The following LRP1B variants were observed in gnomAD, a reference collection of about 807,000 sequenced individuals.
LRP1B encodes LDL receptor related protein 1B.
In LRP1B, 217 loss-of-function variants were observed where a neutral mutation model predicts 556.6. The ratio of observed to expected loss-of-function variants is 0.39; its 90% CI spans 0.35 to 0.44. The LOEUF is 0.44. Among genes scored for constraint, LRP1B ranks in the 20% least tolerant of loss-of-function variants. The probability of loss-of-function intolerance (pLI) is 1.00; values close to 1 mark genes in which losing one functional copy is unlikely to be tolerated. For synonymous variants in LRP1B, 2,047 were observed against 1,865.8 expected, an observed-to-expected ratio of 1.10 and a Z score of -2.50; for missense variants, 5,053 against 5,620.8, an observed-to-expected ratio of 0.90 and a Z score of 3.23.
chr2:140,657,668 T>C (rs1684940824), intron 41 of LRP1B, among the ~76,000 whole-genome samples: 2 of 147,334 alleles, frequency 1.4e-5, no homozygotes, highest in Non-Finnish European at 3.0e-5. Context: ...TATATATACA[T>C]ACATATATAT....
chr2:140,796,953 ATTATC>A (rs142665869), intron 32 of LRP1B, among the ~76,000 whole-genome samples: 7,653 of 152,002 alleles, frequency 0.05, 214 homozygotes, highest in Middle Eastern at 0.068. Flanking sequence ...CTTTATTTGT[ATTATC>A]TTAAGTAGGA....
At chr2:142,080,804 C>A (rs1010124064) in intron 1 of LRP1B, among the ~76,000 whole-genome samples, 1 of 152,152 alleles carries the variant, frequency 6.6e-6, no homozygotes, top group African/African-American at 2.4e-5. Context: ...CTGGATACTA[C>A]ACTTACCACA....
chr2:141,355,243 CA>C (rs1688584265), intron 3 of LRP1B, among the ~76,000 whole-genome samples: 1 of 151,978 alleles, frequency 6.6e-6, no homozygotes. Flanking sequence ...TTCATATCAG[CA>C]CATTATTTTC....
At chr2:141,250,121 A>G (rs573852393) in intron 4 of LRP1B, among the ~76,000 whole-genome samples, 1 of 152,204 alleles carries the variant, frequency 6.6e-6, no homozygotes, top group Non-Finnish European at 1.5e-5. Context: ...ATTAAAATAT[A>G]TCTTTGGCCT....
At chr2:140,531,866 C>T (rs1250142512) in intron 47 of LRP1B, among the ~76,000 whole-genome samples, 2 of 152,118 alleles carry the variant, frequency 1.3e-5, no homozygotes, top group African/African-American at 4.8e-5. Context: ...CTGAATGATC[C>T]TCCTTTCTTG....
chr2:141,058,621 A>G lies in LRP1B; in HGVS notation c.1408+262T>C, dbSNP rs992026212. Reference sequence around the variant, plus strand: ...GCATCTGGGTTTCCTGTCTACATTCATCACGACTGAAAGCCCCTTCCTGAA... The same window carrying G: ...GCATCTGGGTTTCCTGTCTACATTCGTCACGACTGAAAGCCCCTTCCTGAA... On this transcript the variant is annotated intron_variant, in intron 9 of 90. Coordinates refer to ENST00000389484, the MANE Select transcript of LRP1B (RefSeq NM_018557.3). Among the ~76,000 whole-genome samples, 31 of 151,894 alleles carry G rather than the reference A, an allele frequency of 2.0e-4. 1 individual carries two copies. The highest frequency in any genetic ancestry group is 6.6e-5 in the Admixed American group (1 of 15,228).
intron 85 of LRP1B, among the ~76,000 whole-genome samples, chr2:140,272,482 A>G (rs529102052): frequency 1.3e-5 from 2 of 152,082 alleles, no homozygotes; most frequent in East Asian, 3.9e-4. Context: ...TGTTTTAAAG[A>G]TTATACTCAC....
intron 61 of LRP1B, among the ~76,000 whole-genome samples, chr2:140,457,183 G>C (rs1687138695): frequency 6.6e-6 from 1 of 152,016 alleles, no homozygotes; most frequent in African/African-American, 2.4e-5. Context: ...ATTATTTCAA[G>C]AATACAGTCT....
chr2:140,358,911 A>C lies in LRP1B; in HGVS notation c.11167T>G (p.Cys3723Gly), dbSNP rs773335745. The stretch of plus-strand genomic sequence containing the variant: ...TGTAGGCATATTCTGTTATTTCTGC[A>C]TCTGTGAGGTCTCGTGGATGGACAA... Reference protein sequence around the residue: ...FLCPSTRPHRCRNNRICLQSE... With the variant: ...FLCPSTRPHRGRNNRICLQSE... Residue 3723 changes from cysteine to glycine, a missense_variant, in exon 73 of 91, where the codon TGC (cysteine) becomes GGC (glycine). Cys to Gly is a radical substitution (Grantham distance 159). This residue lies in a region of LRP1B where 599 missense variants were observed against 648.4 expected (regional missense o/e 0.92). Coordinates refer to ENST00000389484, the MANE Select transcript of LRP1B (RefSeq NM_018557.3). The C allele has an allele frequency of 6.2e-7, 1 of 1,608,712 alleles. No homozygotes were observed. Among genetic ancestry groups the C allele is most frequent in the Non-Finnish European group, 8.5e-7 (1 of 1,176,076 alleles).
At chr2:141,016,772 T>G (rs2105391350) in intron 12 of LRP1B, among the ~76,000 whole-genome samples, 1 of 152,162 alleles carries the variant, frequency 6.6e-6, no homozygotes, top group South Asian at 2.1e-4. Context: ...AAAGTGTAGG[T>G]TTAATCCAGT....
At chr2:141,494,378 A>G (rs1683443082) in intron 2 of LRP1B, among the ~76,000 whole-genome samples, 1 of 152,192 alleles carries the variant, frequency 6.6e-6, no homozygotes, top group Non-Finnish European at 1.5e-5. Context: ...ATTGCATATT[A>G]AAAATGACAA....
At chr2:140,480,861 T>A (rs942040587) in intron 59 of LRP1B, among the ~76,000 whole-genome samples, 1 of 152,198 alleles carries the variant, frequency 6.6e-6, no homozygotes, top group African/African-American at 2.4e-5. Flanking sequence ...TTTTATCATC[T>A]GTACTAATTT....
intron 2 of LRP1B, among the ~76,000 whole-genome samples, chr2:141,492,671 C>T (rs750881283): frequency 3.9e-5 from 6 of 152,058 alleles, no homozygotes; most frequent in South Asian, 2.1e-4. Context: ...TATAGTTAAT[C>T]GTCTTTCACT....
intron 86 of LRP1B, among the ~76,000 whole-genome samples, chr2:140,267,512 G>A (rs1021413578): frequency 2.6e-5 from 4 of 151,906 alleles, no homozygotes; most frequent in African/African-American, 9.7e-5. Context: ...TATGTAAATA[G>A]TTGTTTTACT....
In LRP1B at chr2:140,536,575, A is replaced by T. The variant is rs2105003094; in HGVS notation, c.7642+6T>A. 1 of 1,604,876 alleles carries T rather than the reference A, an allele frequency of 6.2e-7. No homozygotes were observed. On this transcript the variant is annotated splice_donor_region_variant and intron_variant, in intron 46 of 90. Transcript: ENST00000389484. ...TGAAACGAGCAAACCCATATTGGAC[A>T]CTTACCACAGTAGAGCAGTTTTTCA...
At chr2:140,875,415 G>T in intron 25 of LRP1B, among the ~76,000 whole-genome samples, 1 of 152,116 alleles carries the variant, frequency 6.6e-6, no homozygotes. Context: ...AAATTTTATA[G>T]ATTGCTTATA....
chr2:141,871,664 A>G (rs1001074198), intron 1 of LRP1B, among the ~76,000 whole-genome samples: 17 of 152,032 alleles, frequency 1.1e-4, no homozygotes, highest in Admixed American at 5.3e-4. Context: ...GCTAAATTGT[A>G]TAAGACTATT....
At chr2:140,662,269 T>TA (rs1685124539) in intron 41 of LRP1B, among the ~76,000 whole-genome samples, 1 of 152,036 alleles carries the variant, frequency 6.6e-6, no homozygotes, top group South Asian at 2.1e-4. Context: ...TTAGAGATTG[T>TA]AAAATGGAGG....
chr2:141,118,949 T>A (rs1281001639), intron 7 of LRP1B, among the ~76,000 whole-genome samples: 1 of 151,814 alleles, frequency 6.6e-6, no homozygotes. Context: ...TACATAGATA[T>A]AGTTAAAACA....
Sources: gnomAD v4.1 joint callset for allele counts (sites outside exome capture counted in the v4.1 genomes callset) on GRCh38, gnomAD v4.1.1 for gene constraint, gnomAD v4.1.1 regional missense constraint, MANE v1.5 for transcripts, NCBI Gene and HGNC (gene_info 2026-07-23, HGNC 2026-07-21) for gene names.